The following WASF2 variants were observed in gnomAD, a reference collection of about 807,000 sequenced individuals.
The protein encoded by WASF2 is actin-binding protein WASF2.
In WASF2, 14 loss-of-function variants were observed where a neutral mutation model predicts 45.0. That is an observed-to-expected ratio of 0.31 (90% CI 0.21 to 0.49). WASF2 has a LOEUF of 0.49. Among genes scored for constraint, WASF2 ranks in the 20% least tolerant of loss-of-function variants. The pLI is 0.99. For missense variants in WASF2, 439 were observed against 636.1 expected, an observed-to-expected ratio of 0.69 and a Z score of 3.33; for synonymous variants, 200 against 236.3, an observed-to-expected ratio of 0.85 and a Z score of 1.41.
intron 3 of WASF2, 30 bp from the exon 4 acceptor site, chr1:27,418,452 G>A (rs1340400370): frequency 1.2e-6 from 2 of 1,613,920 alleles, no homozygotes; most frequent in African/African-American, 2.7e-5. Context: ...GTTAGAAAAT[G>A]GACGACAGGC....
intron 2 of WASF2, 109 bp downstream of exon 2, chr1:27,428,652 C>T (rs2017018964): frequency 6.4e-7 from 1 of 1,559,392 alleles, no homozygotes; most frequent in South Asian, 1.1e-5. Flanking sequence ...TTTCGCATTA[C>T]CTAGGGAAGG....
rs1186510198 is a variant in WASF2, at chr1:27,428,915, C to T, written c.-25G>A. The T allele has an allele frequency of 2.2e-5, 36 of 1,611,204 alleles. No homozygotes were observed. The highest frequency in any genetic ancestry group is 3.1e-5 in the Non-Finnish European group (36 of 1,178,536). On this transcript the variant is annotated 5_prime_UTR_variant, in exon 2 of 9. Transcript: ENST00000618852. ...TGGTGGACCTGCTTCAGGCAATGTT[C>T]TGAATGGTGAAAAACAACCTAAAAA...
At chr1:27,472,121 A>G (rs1460265886) in intron 1 of WASF2, among the ~76,000 whole-genome samples, 1 of 152,122 alleles carries the variant, frequency 6.6e-6, no homozygotes, top group African/African-American at 2.4e-5. Context: ...TCACGAGGTC[A>G]GGAGATGGAG....
At chr1:27,429,001 C>CAT in intron 1 of WASF2, 68 bp from the exon 2 acceptor site, 1 of 719,378 alleles carries the variant, frequency 1.4e-6, no homozygotes, top group Non-Finnish European at 2.0e-6. Context: ...CTGTGTGAAT[C>CAT]TTTTTTTTTT....
chr1:27,452,214 A>C (rs943435164), intron 1 of WASF2, among the ~76,000 whole-genome samples: 5 of 152,236 alleles, frequency 3.3e-5, no homozygotes, highest in African/African-American at 1.2e-4. Flanking sequence ...ATAGTTTTTA[A>C]AAAAATAGGC....
intron 1 of WASF2, among the ~76,000 whole-genome samples, chr1:27,461,628 A>G (rs1015722361): frequency 1.8e-4 from 28 of 151,516 alleles, no homozygotes; most frequent in Non-Finnish European, 4.4e-5. Flanking sequence ...ACGCCCAGCT[A>G]ATTTTTTTTT....
intron 1 of WASF2, among the ~76,000 whole-genome samples, chr1:27,430,501 C>T (rs940952965): frequency 6.6e-6 from 1 of 152,214 alleles, no homozygotes; most frequent in Non-Finnish European, 1.5e-5. Flanking sequence ...GTTAGGATTA[C>T]AGGCATGCAC....
chr1:27,412,542 A>G (rs560863448), intron 7 of WASF2, 30 bp downstream of exon 7: 9 of 1,613,704 alleles, frequency 5.6e-6, no homozygotes, highest in Admixed American at 1.7e-5. Flanking sequence ...ATAACTACCA[A>G]TAGTGGATGG....
At chr1:27,482,665 TAAAATAAAACTTG>T (rs2017867316) in intron 1 of WASF2, among the ~76,000 whole-genome samples, 1 of 152,120 alleles carries the variant, frequency 6.6e-6, no homozygotes. Flanking sequence ...TTAAACCAAA[TAAAATAAAACTTG>T]AACAGAATAA....
In WASF2 at chr1:27,422,760, A is replaced by G. The variant is rs180683424; in HGVS notation, c.131-3672T>C. On this transcript the variant is annotated intron_variant, in intron 2 of 8. Transcript: ENST00000618852. ...ATAATATCTACCCCATCAAGTTACC[A>G]TAAGGATTAAGTGAGCTAAAAATGT... Among the ~76,000 whole-genome samples the G allele has an allele frequency of 1.7e-3, 264 of 152,304 alleles. 1 individual carries two copies. Among genetic ancestry groups the G allele is most frequent in the Non-Finnish European group, 3.2e-3 (217 of 68,038 alleles).
At chr1:27,411,672 G>A (rs919140481) in intron 7 of WASF2, among the ~76,000 whole-genome samples, 3 of 152,244 alleles carry the variant, frequency 2.0e-5, no homozygotes, top group Admixed American at 2.0e-4. Context: ...GACCATCCTG[G>A]CTAACATGGT....
intron 1 of WASF2, among the ~76,000 whole-genome samples, chr1:27,454,153 G>GTATATATATATATA (rs869245464): frequency 1.0e-5 from 1 of 98,698 alleles, no homozygotes; most frequent in East Asian, 3.9e-4. Context: ...GTGTGTGTGT[G>GTATATATATATATA]TATATATATA....
intron 6 of WASF2, 25 bp from the exon 7 acceptor site, chr1:27,412,752 A>G: frequency 8.7e-6 from 14 of 1,613,528 alleles, no homozygotes; most frequent in Non-Finnish European, 1.2e-5. Context: ...AATGCCAAAA[A>G]CTGTCATTTA....
Position 27,410,296 on chromosome 1 carries a change from C to T in WASF2, c.825-90G>A. ...GCCTTGTCTACAGACCGAGGTTTAT[C>T]TTGGTTGACTATACCATTTCACTTT... On this transcript the variant is annotated intron_variant, in intron 7 of 8. Coordinates refer to ENST00000618852, the MANE Select transcript of WASF2 (RefSeq NM_006990.5). The surrounding 1 kb of genome is among the most constrained non-coding windows in gnomAD (Gnocchi z 4.2). 1 of 1,542,388 alleles carries T rather than the reference C, an allele frequency of 6.5e-7. No homozygotes were observed. Among genetic ancestry groups the T allele is most frequent in the Non-Finnish European group, 8.8e-7 (1 of 1,137,972 alleles).
At chr1:27,463,332 A>G (rs1359979054) in intron 1 of WASF2, among the ~76,000 whole-genome samples, 1 of 152,164 alleles carries the variant, frequency 6.6e-6, no homozygotes, top group African/African-American at 2.4e-5. Flanking sequence ...TGGTACTGCT[A>G]TAAAACTGTG....
At chr1:27,483,867 G>A (rs914896894) in intron 1 of WASF2, among the ~76,000 whole-genome samples, 4 of 151,734 alleles carry the variant, frequency 2.6e-5, no homozygotes, top group African/African-American at 9.7e-5. Flanking sequence ...GCAAGAGGAG[G>A]ACTGCTTGAG....
chr1:27,453,395 C>A (rs1046984588), intron 1 of WASF2, among the ~76,000 whole-genome samples: 4 of 150,364 alleles, frequency 2.7e-5, no homozygotes, highest in African/African-American at 4.9e-5. Flanking sequence ...AGTTTGAGAC[C>A]AGCCTGGGCA....
In WASF2 at chr1:27,413,711, A is replaced by T. The variant is rs556578653; in HGVS notation, c.669-984T>A. ...CCTCATCTTCCTACTCCACAAAAAG[A>T]AGACACACATGGGTAGCTGGCATTC... On this transcript the variant is annotated intron_variant, in intron 6 of 8. Coordinates refer to ENST00000618852, the MANE Select transcript of WASF2 (RefSeq NM_006990.5). Among the ~76,000 whole-genome samples the T allele has an allele frequency of 2.8e-4, 43 of 152,302 alleles. No homozygotes were observed. The East Asian group carries it at 4.4e-3, about 16-fold the overall frequency.
intron 1 of WASF2, among the ~76,000 whole-genome samples, chr1:27,441,785 G>T (rs1393040013): frequency 8.0e-5 from 12 of 150,794 alleles, no homozygotes; most frequent in African/African-American, 2.4e-5. Flanking sequence ...AATTAGCCGG[G>T]CGTGATGGCA....
Sources: allele counts gnomAD v4.1 joint callset (sites outside exome capture counted in the v4.1 genomes callset), GRCh38; gene constraint gnomAD v4.1.1; non-coding constraint Gnocchi (gnomAD v3.1); transcripts MANE v1.5; gene names NCBI Gene and HGNC (gene_info 2026-07-23, HGNC 2026-07-21).